The following OPCML variants were observed in gnomAD, a reference collection of about 807,000 sequenced individuals.
OPCML encodes opioid binding protein/cell adhesion molecule like.
OPCML carries 13 observed loss-of-function variants against 37.8 expected under a neutral mutation model. The observed-to-expected ratio is 0.34, with a 90% CI of 0.22 to 0.55. OPCML has a LOEUF of 0.55. Among genes scored for constraint, OPCML ranks in the 20% least tolerant of loss-of-function variants. The pLI, the probability that OPCML is intolerant of heterozygous loss-of-function variation, is 0.91. For missense variants in OPCML, 341 were observed against 435.6 expected (o/e 0.78, Z 1.93); for synonymous variants, 176 against 168.8 (o/e 1.04, Z -0.33).
chr11:132,546,154 G>A (rs1027883514), intron 3 of OPCML, among the ~76,000 whole-genome samples: 47 of 152,212 alleles, frequency 3.1e-4, no homozygotes, highest in African/African-American at 1.1e-3. Flanking sequence ...TCACCTTTGT[G>A]AGGGTAATTC....
chr11:132,586,988 A>G (rs967999922), intron 3 of OPCML, among the ~76,000 whole-genome samples: 4 of 152,226 alleles, frequency 2.6e-5, no homozygotes, highest in Non-Finnish European at 5.9e-5. Context: ...ATTCGGGCAT[A>G]CTAATATGAT....
At chr11:132,576,792 A>G (rs1591575107) in intron 3 of OPCML, among the ~76,000 whole-genome samples, 1 of 152,002 alleles carries the variant, frequency 6.6e-6, no homozygotes, top group South Asian at 2.1e-4. Context: ...TAGAAATTCT[A>G]CTAACTCTTT....
Position 133,173,173 on chromosome 11 carries a change from A to G in OPCML, c.62-230163T>C, listed in dbSNP as rs143114215. On this transcript the variant is annotated intron_variant, in intron 1 of 7. Coordinates refer to ENST00000524381, the MANE Select transcript of OPCML (RefSeq NM_001012393.5). This position sits in a 1 kb window ranked among gnomAD's most constrained non-coding sequence, Gnocchi z 7.8. ...TTAAAAAAATTACATGTGAGGGAAT[A>G]TTTCATATGAATTCCTAAGAAAATG... 2.5e-4 allele frequency among the ~76,000 whole-genome samples: 38 copies of G among 152,342 alleles called. 1 individual carries two copies. In the East Asian group the frequency reaches 6.7e-3, roughly 27 times the overall value.
At chr11:132,516,327 T>C (rs185693862) in intron 4 of OPCML, among the ~76,000 whole-genome samples, 1 of 152,276 alleles carries the variant, frequency 6.6e-6, no homozygotes, top group Non-Finnish European at 1.5e-5. Flanking sequence ...CATCCTTCAC[T>C]CTGTACATCA....
rs4598676 is a variant in OPCML, at chr11:133,029,346, C to T, written c.62-86336G>A. On this transcript the variant is annotated intron_variant, in intron 1 of 7. Transcript: ENST00000524381. ...CGGAACTAAAAATAGAACTACCATT[C>T]GACCCAGCAAGGCCACTAGTCAGCA... 5.8e-3 allele frequency among the ~76,000 whole-genome samples: 881 copies of T among 152,248 alleles called. 6 individuals carry two copies. The highest frequency in any genetic ancestry group is 0.02 in the African/African-American group (831 of 41,544).
At chr11:132,805,448 A>G in intron 2 of OPCML, among the ~76,000 whole-genome samples, 1 of 152,212 alleles carries the variant, frequency 6.6e-6, no homozygotes, top group East Asian at 1.9e-4. Context: ...TTGATCCCAG[A>G]AGTCCAGCAA....
chr11:132,687,720 C>T (rs1943227872), intron 2 of OPCML, among the ~76,000 whole-genome samples: 1 of 151,938 alleles, frequency 6.6e-6, no homozygotes, highest in Non-Finnish European at 1.5e-5. Flanking sequence ...ACAAAATCAA[C>T]TCCCAAATTG....
chr11:132,600,151 C>T (rs937644421), intron 3 of OPCML, among the ~76,000 whole-genome samples: 1 of 152,106 alleles, frequency 6.6e-6, no homozygotes, highest in Non-Finnish European at 1.5e-5. Flanking sequence ...CTTGACTGAA[C>T]CCTGGTGCTC....
intron 1 of OPCML, among the ~76,000 whole-genome samples, chr11:133,079,812 C>T (rs545614704): frequency 1.3e-5 from 2 of 152,114 alleles, no homozygotes; most frequent in Non-Finnish European, 2.9e-5. Context: ...CCTCCCGCAT[C>T]CCCCAACCTT....
intron 1 of OPCML, among the ~76,000 whole-genome samples, chr11:133,281,397 C>T (rs569888295): frequency 6.6e-6 from 1 of 152,162 alleles, no homozygotes; most frequent in South Asian, 2.1e-4. Context: ...ACATCTGTTG[C>T]TCCTGCTCTT....
rs115445987 is a variant in OPCML at position 132,983,967 on chromosome 11, A to G, written c.62-40957T>C. 1.0e-3 allele frequency among the ~76,000 whole-genome samples: 157 copies of G among 152,286 alleles called. 1 individual carries two copies. The highest frequency in any genetic ancestry group is 3.7e-3 in the African/African-American group (153 of 41,550). ...CAGGTTCTAATCCATTGAGTTTACT[A>G]TTGTCTGGATTCCTCAGAAGGTTCC... On this transcript the variant is annotated intron_variant, in intron 1 of 7. Coordinates refer to ENST00000524381, the MANE Select transcript of OPCML (RefSeq NM_001012393.5).
chr11:133,014,773 C>A (rs543678996), intron 1 of OPCML, among the ~76,000 whole-genome samples: 1 of 152,328 alleles, frequency 6.6e-6, no homozygotes, highest in Admixed American at 6.5e-5. Context: ...ACAAATATTT[C>A]TCAGGCTAGA....
intron 1 of OPCML, among the ~76,000 whole-genome samples, chr11:133,158,717 T>TAAAAAAAAAA (rs774431901): frequency 7.6e-5 from 10 of 131,992 alleles, no homozygotes; most frequent in African/African-American, 3.2e-4. Context: ...ATTAAAAAAA[T>TAAAAAAAAAA]AAAATAAAAT....
chr11:133,442,276 A>T (rs1946379724), intron 1 of OPCML, among the ~76,000 whole-genome samples: 1 of 152,126 alleles, frequency 6.6e-6, no homozygotes, highest in African/African-American at 2.4e-5. Context: ...CAAATCTTTT[A>T]AAAAGGTCAA....
chr11:133,322,286 C>G (rs186157304), intron 1 of OPCML, among the ~76,000 whole-genome samples: 49 of 152,288 alleles, frequency 3.2e-4, no homozygotes, highest in African/African-American at 1.1e-3. Context: ...AGGTAGGTGT[C>G]TGGAGACCTC....
chr11:133,476,396 T>TAC (rs1272681546), intron 1 of OPCML, among the ~76,000 whole-genome samples: 6 of 151,938 alleles, frequency 3.9e-5, no homozygotes, highest in African/African-American at 1.5e-4. Flanking sequence ...TTGTTAGTTT[T>TAC]TTTTTTTTCT....
chr11:132,457,790 C>T (rs1362492967), intron 4 of OPCML, among the ~76,000 whole-genome samples: 2 of 152,208 alleles, frequency 1.3e-5, no homozygotes, highest in African/African-American at 2.4e-5. Flanking sequence ...CTCTGGGGAA[C>T]TGAGGCAATG....
intron 3 of OPCML, among the ~76,000 whole-genome samples, chr11:132,591,143 G>C (rs2096483778): frequency 6.6e-6 from 1 of 152,148 alleles, no homozygotes; most frequent in Non-Finnish European, 1.5e-5. Context: ...CCCGGCCTGA[G>C]GCTGTATAAT....
chr11:133,254,834 TG>T (rs1941257914), intron 1 of OPCML, among the ~76,000 whole-genome samples: 1 of 152,114 alleles, frequency 6.6e-6, no homozygotes, highest in African/African-American at 2.4e-5. Context: ...TTCACTACTT[TG>T]TCAGGTAGCA....
Sources: gnomAD v4.1 joint callset for allele counts (sites outside exome capture counted in the v4.1 genomes callset) on GRCh38, gnomAD v4.1.1 for gene constraint, Gnocchi (gnomAD v3.1) non-coding constraint, MANE v1.5 for transcripts, NCBI Gene and HGNC (gene_info 2026-07-23, HGNC 2026-07-21) for gene names.